Variants in NLRP11 observed in about 807,000 individuals in gnomAD.
NLRP11 encodes the protein NACHT, LRR and PYD domains-containing protein 11.
In NLRP11, 53 loss-of-function variants were observed where a neutral mutation model predicts 79.3. The ratio of observed to expected loss-of-function variants is 0.67; its 90% CI spans 0.54 to 0.84. NLRP11 has a LOEUF of 0.84. Ranked by LOEUF, NLRP11 falls within the 40% of genes least tolerant of loss-of-function variation. The pLI, the probability that NLRP11 is intolerant of heterozygous loss-of-function variation, is 0.00. For missense variants in NLRP11, 1,264 were observed against 1,255.0 expected, an observed-to-expected ratio of 1.01 and a Z score of -0.11; for synonymous variants, 518 against 462.6, an observed-to-expected ratio of 1.12 and a Z score of -1.54.
chr19:55,788,976 G>A (rs372107635), exon 9 of NLRP11: 5 of 1,613,768 alleles, frequency 3.1e-6, no homozygotes, highest in Non-Finnish European at 4.2e-6. Flanking sequence ...CACTCTTCTA[G>A]CCTGCAACGA....
chr19:55,786,263 C>T (rs1227664285), intron 9 of NLRP11, among the ~76,000 whole-genome samples: 2 of 152,188 alleles, frequency 1.3e-5, no homozygotes, highest in South Asian at 2.1e-4. Flanking sequence ...TCCAGTCCCA[C>T]GTCTAATCCC....
chr19:55,814,249 A>AC (rs1236636157), intron 2 of NLRP11, among the ~76,000 whole-genome samples: 2 of 151,430 alleles, frequency 1.3e-5, no homozygotes, highest in South Asian at 4.2e-4. Context: ...GCTTCCCATC[A>AC]CCCCCCAATG....
At chr19:55,812,950 C>A (rs1209503759) in intron 2 of NLRP11, among the ~76,000 whole-genome samples, 5 of 152,170 alleles carry the variant, frequency 3.3e-5, no homozygotes, top group Non-Finnish European at 7.3e-5. Context: ...ATTTCAGGAA[C>A]AACCTTGCTA....
At chr19:55,785,966 G>C in intron 9 of NLRP11, 95 bp from the exon 10 acceptor site, 1 of 1,336,910 alleles carries the variant, frequency 7.5e-7, no homozygotes, top group Non-Finnish European at 1.0e-6. Context: ...CATCCTTTGG[G>C]TATTCTTGGG....
At chr19:55,797,383 A>G (rs1979029005) in intron 5 of NLRP11, among the ~76,000 whole-genome samples, 1 of 152,238 alleles carries the variant, frequency 6.6e-6, no homozygotes, top group Non-Finnish European at 1.5e-5. Context: ...ACTTTCTTCA[A>G]CTTGTCACTC....
chr19:55,805,538 G>GTT lies in NLRP11; in HGVS notation c.2003+2313_2003+2314dup, dbSNP rs72058432. 5.0e-4 allele frequency among the ~76,000 whole-genome samples: 73 copies of GTT among 147,336 alleles called. No homozygotes were observed. In the East Asian group the frequency reaches 5.0e-3, roughly 10 times the overall value. The stretch of plus-strand genomic sequence containing the variant: ...TTGCAACAAAACTGTTTAAGGTTTT[G>GTT]TTTTTTTTTTTAAATACACACAATG... On this transcript the variant is annotated intron_variant, in intron 4 of 9. Transcript: ENST00000589093.
At chr19:55,798,376 G>C (rs908862278) in intron 5 of NLRP11, 2 of 979,202 alleles carry the variant, frequency 2.0e-6, no homozygotes, top group South Asian at 4.7e-5. Context: ...ATCTGACTTA[G>C]ATTGCCATTA....
At chr19:55,799,519 G>A (rs2122763795) in intron 5 of NLRP11, among the ~76,000 whole-genome samples, 1 of 152,216 alleles carries the variant, frequency 6.6e-6, no homozygotes, top group Admixed American at 6.5e-5. Context: ...AAAACCAAAG[G>A]CCAAGAGGAA....
intron 1 of NLRP11, among the ~76,000 whole-genome samples, chr19:55,820,662 T>A (rs991556348): frequency 2.6e-5 from 4 of 151,572 alleles, no homozygotes; most frequent in Non-Finnish European, 5.9e-5. Context: ...GAAAACTTAG[T>A]TTTTCAAAAA....
intron 5 of NLRP11, among the ~76,000 whole-genome samples, chr19:55,796,969 A>G (rs1003837531): frequency 6.6e-5 from 10 of 152,100 alleles, no homozygotes; most frequent in Admixed American, 1.3e-4. Context: ...GATTACAGGC[A>G]TGAGCCACTG....
At chr19:55,833,184 T>C (rs1982945173), upstream of NLRP11, among the ~76,000 whole-genome samples, 1 of 152,240 alleles carries the variant, frequency 6.6e-6, no homozygotes, top group Admixed American at 6.5e-5. Context: ...ACAATGTTAT[T>C]GCCATATACA....
chr19:55,793,606 A>C (rs1386658078), intron 6 of NLRP11, among the ~76,000 whole-genome samples: 1 of 138,578 alleles, frequency 7.2e-6, no homozygotes, highest in Non-Finnish European at 1.5e-5. Flanking sequence ...CAACCAATTT[A>C]TTGGTTGGAA....
intron 4 of NLRP11, among the ~76,000 whole-genome samples, chr19:55,806,478 C>A (rs907943007): frequency 1.3e-5 from 2 of 152,178 alleles, no homozygotes; most frequent in Non-Finnish European, 2.9e-5. Context: ...AGGAATCATC[C>A]TTTGTCAACA....
rs1978338895 is a variant in NLRP11 at position 55,792,282 on chromosome 19, A to C, written c.2513+19T>G. 1 of 1,610,150 alleles carries C rather than the reference A, an allele frequency of 6.2e-7. No individual in the cohort carries two copies. Among genetic ancestry groups the C allele is most frequent in the Non-Finnish European group, 8.5e-7 (1 of 1,177,032 alleles). On this transcript the variant is annotated intron_variant, in intron 7 of 9. Transcript: ENST00000589093. The stretch of plus-strand genomic sequence containing the variant: ...TGCAGTAGAAACACAGTCATCCAGG[A>C]CAACTGTGGGAGACTTACTGAAGCT...
chr19:55,793,527 C>A (rs1345288795), intron 6 of NLRP11, among the ~76,000 whole-genome samples: 1 of 131,994 alleles, frequency 7.6e-6, no homozygotes. Flanking sequence ...GAGATTGCAC[C>A]ACTGCACTCC....
chr19:55,821,553 T>A (rs764858184), intron 1 of NLRP11, among the ~76,000 whole-genome samples: 1 of 152,172 alleles, frequency 6.6e-6, no homozygotes, highest in African/African-American at 2.4e-5. Context: ...GGAAATAGCC[T>A]CACAACATTG....
intron 5 of NLRP11, among the ~76,000 whole-genome samples, chr19:55,798,920 CA>C (rs1294102974): frequency 5.9e-5 from 9 of 152,200 alleles, no homozygotes; most frequent in Admixed American, 2.6e-4. Flanking sequence ...GTAAAGGAAG[CA>C]GGAAGGAGTC....
chr19:55,818,246 G>A lies in NLRP11; in HGVS notation c.-62-10C>T. On this transcript the variant is annotated splice_polypyrimidine_tract_variant and intron_variant, in intron 1 of 9. Coordinates refer to ENST00000589093, the Ensembl canonical transcript of NLRP11. ...ACAAGAAATATGAGATCTAAAAATA[G>A]ATGTGGAATCAGACAATCAAACCAC... 2.4e-6 allele frequency: 3 copies of A among 1,238,026 alleles called. No individual in the cohort carries two copies. Among genetic ancestry groups the A allele is most frequent in the Non-Finnish European group, 3.4e-6 (3 of 878,868 alleles). 76.7% of individuals were successfully genotyped at this position (1,238,026 alleles called of 1,614,324 possible).
chr19:55,829,239 TAGGCATAAA>T (rs937640677), intron 1 of NLRP11, among the ~76,000 whole-genome samples: 8 of 151,666 alleles, frequency 5.3e-5, no homozygotes, highest in Non-Finnish European at 1.2e-4. Context: ...GCAGAGTCAC[TAGGCATAAA>T]GCTTATGGAA....
Sources: gnomAD v4.1 joint callset for allele counts (sites outside exome capture counted in the v4.1 genomes callset) on GRCh38, gnomAD v4.1.1 for gene constraint, MANE v1.5 for transcripts, NCBI Gene and HGNC (gene_info 2026-07-23, HGNC 2026-07-21) for gene names.